The following PLCL2 variants were observed in gnomAD, a reference collection of about 807,000 sequenced individuals.
PLCL2 encodes the protein inactive phospholipase C-like protein 2.
A neutral mutation model predicts 79.6 loss-of-function variants in PLCL2; 4 were observed. The observed-to-expected ratio is 0.05, with a 90% CI of 0.02 to 0.11. The LOEUF (loss-of-function observed/expected upper bound fraction) is 0.11. Among genes scored for constraint, PLCL2 ranks in the 10% least tolerant of loss-of-function variants. The pLI is 1.00. For missense variants in PLCL2, 895 were observed against 1,291.0 expected, an observed-to-expected ratio of 0.69 and a Z score of 4.70; for synonymous variants, 484 against 457.7, an observed-to-expected ratio of 1.06 and a Z score of -0.73.
At chr3:16,888,956 A>G (rs986122643) in intron 1 of PLCL2, among the ~76,000 whole-genome samples, 1 of 152,214 alleles carries the variant, frequency 6.6e-6, no homozygotes, top group Non-Finnish European at 1.5e-5. Context: ...AATCACCACC[A>G]TCATGAAGAT....
intron 4 of PLCL2, among the ~76,000 whole-genome samples, chr3:17,067,329 A>C (rs1361556294): frequency 1.8e-4 from 27 of 152,230 alleles, no homozygotes; most frequent in Admixed American, 1.8e-3. Context: ...TTTATGTGAA[A>C]ACCCTGTAAA....
intron 1 of PLCL2, among the ~76,000 whole-genome samples, chr3:16,968,849 G>C (rs942781023): frequency 6.6e-6 from 1 of 152,100 alleles, no homozygotes; most frequent in Admixed American, 6.6e-5. Flanking sequence ...AATGCTTCCA[G>C]CTTTTGCCCA....
chr3:16,925,772 A>G (rs1020525231), intron 1 of PLCL2, among the ~76,000 whole-genome samples: 4 of 152,222 alleles, frequency 2.6e-5, no homozygotes, highest in Admixed American at 2.6e-4. Flanking sequence ...TCCATTCATC[A>G]GTTAAAGAAC....
At chr3:17,023,130 G>A (rs2064474311) in intron 3 of PLCL2, among the ~76,000 whole-genome samples, 1 of 152,108 alleles carries the variant, frequency 6.6e-6, no homozygotes. Flanking sequence ...GGTACATAGT[G>A]GGGGGATTTC....
At chr3:16,895,856 A>G (rs997535581) in intron 1 of PLCL2, among the ~76,000 whole-genome samples, 2 of 152,226 alleles carry the variant, frequency 1.3e-5, no homozygotes, top group African/African-American at 4.8e-5. Flanking sequence ...CCACAAAAGA[A>G]TACATATTTT....
rs1050968661 is a variant in PLCL2 at position 17,009,560 on chromosome 3, T to C, written c.328-114T>C. ...TATCATTCATCACAGGAATCTAGAATAGGAAATCTTAATAGTATGATTTTT... is the reference window on the plus strand; with the variant it reads ...TATCATTCATCACAGGAATCTAGAACAGGAAATCTTAATAGTATGATTTTT... On this transcript the variant is annotated intron_variant, in intron 1 of 5. Transcript: ENST00000615277. The surrounding 1 kb of genome is among the most constrained non-coding windows in gnomAD (Gnocchi z 4.0). 5.0e-6 allele frequency: 3 copies of C among 597,086 alleles called. No homozygotes were observed. Among genetic ancestry groups the C allele is most frequent in the Non-Finnish European group, 8.6e-6 (3 of 348,246 alleles). The allele number at this position is 597,086 out of a possible 1,614,324, so 37.0% of individuals were successfully genotyped here.
chr3:16,940,869 G>C (rs73816261), intron 1 of PLCL2, among the ~76,000 whole-genome samples: 6,008 of 152,222 alleles, frequency 0.039, 372 homozygotes, highest in African/African-American at 0.14. Context: ...CAGCCCACAG[G>C]AAGTGCTTCA....
intron 1 of PLCL2, among the ~76,000 whole-genome samples, chr3:16,981,353 A>G (rs12054464): frequency 0.16 from 24,464 of 152,240 alleles, 2,499 homozygotes; most frequent in Non-Finnish European, 0.21. Flanking sequence ...TAAAATCACA[A>G]CATACGTCAA....
intron 1 of PLCL2, among the ~76,000 whole-genome samples, chr3:16,906,054 C>T (rs925423452): frequency 2.6e-5 from 4 of 151,912 alleles, no homozygotes; most frequent in African/African-American, 7.3e-5. Context: ...TTTGTAGGCT[C>T]CTTCCTCCAT....
chr3:17,076,343 C>A (rs200059815), intron 5 of PLCL2, among the ~76,000 whole-genome samples: 2 of 151,852 alleles, frequency 1.3e-5, no homozygotes, highest in Non-Finnish European at 2.9e-5. Context: ...TAGTTTTTAA[C>A]AAATTTGGAA....
chr3:16,993,481 G>A (rs188414319), intron 1 of PLCL2, among the ~76,000 whole-genome samples: 7 of 152,224 alleles, frequency 4.6e-5, no homozygotes, highest in East Asian at 1.9e-4. Flanking sequence ...ATAGAGTTGC[G>A]TAATGGACTG....
At chr3:17,088,759 C>T (rs2065245490) in intron 5 of PLCL2, among the ~76,000 whole-genome samples, 1 of 152,120 alleles carries the variant, frequency 6.6e-6, no homozygotes, top group Admixed American at 6.5e-5. Context: ...CTCCCCACCT[C>T]CAAAGAATTC....
chr3:16,911,973 T>G (rs1453207320), intron 1 of PLCL2, among the ~76,000 whole-genome samples: 3 of 152,200 alleles, frequency 2.0e-5, no homozygotes, highest in Non-Finnish European at 4.4e-5. Context: ...AAGATGTATA[T>G]GAAACATAAA....
chr3:16,948,145 T>A (rs1348291595), intron 1 of PLCL2, among the ~76,000 whole-genome samples: 1 of 152,178 alleles, frequency 6.6e-6, no homozygotes, highest in Non-Finnish European at 1.5e-5. Flanking sequence ...TGGATAAATA[T>A]AATGTGGTAT....
chr3:17,066,756 G>T (rs987889792), intron 4 of PLCL2, among the ~76,000 whole-genome samples: 1 of 152,146 alleles, frequency 6.6e-6, no homozygotes, highest in Non-Finnish European at 1.5e-5. Context: ...CTATGCAATT[G>T]TGTGAGAAAA....
chr3:16,982,579 G>T (rs952020399), intron 1 of PLCL2, among the ~76,000 whole-genome samples: 1 of 152,206 alleles, frequency 6.6e-6, no homozygotes, highest in Non-Finnish European at 1.5e-5. Context: ...CTGGGATGGG[G>T]TGTTGCCTGG....
At chr3:16,997,206 G>A (rs780677836) in intron 1 of PLCL2, among the ~76,000 whole-genome samples, 3 of 152,192 alleles carry the variant, frequency 2.0e-5, no homozygotes, top group Middle Eastern at 6.8e-3. Context: ...AAATTGGTCC[G>A]GCCAGAGGCT....
At chr3:17,041,871 G>A (rs1265891123) in intron 3 of PLCL2, among the ~76,000 whole-genome samples, 1 of 152,088 alleles carries the variant, frequency 6.6e-6, no homozygotes, top group Non-Finnish European at 1.5e-5. Flanking sequence ...TTGTGCCTAG[G>A]AGTTGGAGAG....
At position 16,886,464 on chromosome 3, in the gene PLCL2, A is replaced by G. The variant is rs892126947; in HGVS notation, c.327+1098A>G. ...CTGAAATTTTATTGGACCTACAGAA[A>G]TCTTCCAAGTACTGTGAAAATGTCT... On this transcript the variant is annotated intron_variant, in intron 1 of 5. Coordinates refer to ENST00000615277, the MANE Select transcript of PLCL2 (RefSeq NM_001144382.2). This position sits in a 1 kb window ranked among gnomAD's most constrained non-coding sequence, Gnocchi z 4.2. Among the ~76,000 whole-genome samples, 1 of 152,204 alleles carries G rather than the reference A, an allele frequency of 6.6e-6. No individual in the cohort carries two copies. The highest frequency in any genetic ancestry group is 1.5e-5 in the Non-Finnish European group (1 of 68,038).
Sources: allele counts gnomAD v4.1 joint callset (sites outside exome capture counted in the v4.1 genomes callset), GRCh38; gene constraint gnomAD v4.1.1; non-coding constraint Gnocchi (gnomAD v3.1); transcripts MANE v1.5; gene names NCBI Gene and HGNC (gene_info 2026-07-23, HGNC 2026-07-21).